SV2C: variants seen among roughly 807,000 people sequenced by gnomAD.
SV2C encodes synaptic vesicle glycoprotein 2C.
A neutral mutation model predicts 79.7 loss-of-function variants in SV2C; 49 were observed. That is an observed-to-expected ratio of 0.61 (90% confidence interval 0.49 to 0.78). The LOEUF is 0.78. SV2C is among the 30% of genes least tolerant of loss of function. The pLI is 0.00. For missense variants in SV2C, 833 were observed against 912.9 expected, an observed-to-expected ratio of 0.91 and a Z score of 1.13; for synonymous variants, 334 against 333.2, an observed-to-expected ratio of 1.00 and a Z score of -0.03.
the SV2C span, among the ~76,000 whole-genome samples, chr5:75,949,288 T>C: frequency 6.6e-6 from 1 of 152,174 alleles, no homozygotes. Context: ...CACTGTCAGA[T>C]ACTTCTTTAT....
chr5:75,990,141 T>G, the SV2C span, among the ~76,000 whole-genome samples: 1 of 152,032 alleles, frequency 6.6e-6, no homozygotes, highest in Non-Finnish European at 1.5e-5. Context: ...AAAAGCTCTT[T>G]TATTTAATTT....
At chr5:75,953,866 CT>C in the SV2C span, among the ~76,000 whole-genome samples, 2 of 152,052 alleles carry the variant, frequency 1.3e-5, no homozygotes, top group South Asian at 2.1e-4. Context: ...TTTTGTATCA[CT>C]TCCTACTCCC....
the SV2C span, among the ~76,000 whole-genome samples, chr5:76,051,662 C>T: frequency 1.3e-5 from 2 of 152,118 alleles, no homozygotes; most frequent in East Asian, 3.8e-4. Flanking sequence ...AATGCAAAAA[C>T]TTTGTTAAAA....
the SV2C span, chr5:75,910,651 G>A: frequency 3.0e-6 from 3 of 1,005,586 alleles, no homozygotes; most frequent in African/African-American, 3.2e-5. Flanking sequence ...TGGATGCAGT[G>A]CAGAATGCCA....
At chr5:76,278,984 T>C (rs1747103096) in intron 4 of SV2C, among the ~76,000 whole-genome samples, 1 of 152,028 alleles carries the variant, frequency 6.6e-6, no homozygotes, top group Non-Finnish European at 1.5e-5. Context: ...GCCATGGAGA[T>C]AGGGAGAAGT....
chr5:76,233,712 C>G (rs1227251032), intron 4 of SV2C, among the ~76,000 whole-genome samples: 1 of 151,220 alleles, frequency 6.6e-6, no homozygotes, highest in Middle Eastern at 3.2e-3. Flanking sequence ...TGGTTTTTGT[C>G]TTTGGCTCTG....
chr5:76,254,309 C>T (rs2112445149), intron 4 of SV2C, among the ~76,000 whole-genome samples: 1 of 151,886 alleles, frequency 6.6e-6, no homozygotes, highest in African/African-American at 2.4e-5. Context: ...AATGCATCTA[C>T]ACATCCAGCC....
the SV2C span, among the ~76,000 whole-genome samples, chr5:75,987,634 G>T: frequency 6.6e-6 from 1 of 151,982 alleles, no homozygotes; most frequent in Admixed American, 6.6e-5. Flanking sequence ...AGGCATTTCA[G>T]ATCAAAAGTG....
chr5:75,913,077 G>T, the SV2C span, among the ~76,000 whole-genome samples: 1 of 152,202 alleles, frequency 6.6e-6, no homozygotes. Context: ...GGTAAACCAT[G>T]CCACAGGAAT....
At chr5:76,032,618 A>G in the SV2C span, among the ~76,000 whole-genome samples, 196 of 152,310 alleles carry the variant, frequency 1.3e-3, no homozygotes, top group South Asian at 0.025. Flanking sequence ...TGGTGTATAT[A>G]TGCCACATTT....
chr5:75,891,264 G>A, the SV2C span, among the ~76,000 whole-genome samples: 1 of 152,114 alleles, frequency 6.6e-6, no homozygotes, highest in African/African-American at 2.4e-5. Flanking sequence ...GAGATAACCA[G>A]GAACTGGGTC....
At chr5:76,286,314 G>C (rs1159543140) in intron 6 of SV2C, among the ~76,000 whole-genome samples, 1 of 152,092 alleles carries the variant, frequency 6.6e-6, no homozygotes, top group Non-Finnish European at 1.5e-5. Flanking sequence ...TACCAGAAGA[G>C]AGCCAGGCTG....
intron 2 of SV2C, among the ~76,000 whole-genome samples, chr5:76,157,694 C>T (rs890001434): frequency 6.6e-6 from 1 of 151,376 alleles, no homozygotes; most frequent in Non-Finnish European, 1.5e-5. Flanking sequence ...CTAGTGGTAA[C>T]AAATTCACAT....
exon 13 of SV2C, chr5:76,353,359 C>T (rs1749679613): frequency 4.6e-6 from 1 of 217,506 alleles, no homozygotes; most frequent in South Asian, 4.9e-5. Context: ...TCTCTTTTGC[C>T]TTGTAGAAAT....
At chr5:76,226,026 T>C (rs184581792) in intron 4 of SV2C, among the ~76,000 whole-genome samples, 79 of 152,322 alleles carry the variant, frequency 5.2e-4, no homozygotes, top group Middle Eastern at 3.4e-3. Flanking sequence ...CTTCTCATCT[T>C]GCCTGTTTCA....
At chr5:76,203,864 A>G (rs1744528087) in intron 3 of SV2C, among the ~76,000 whole-genome samples, 1 of 152,216 alleles carries the variant, frequency 6.6e-6, no homozygotes, top group Non-Finnish European at 1.5e-5. Context: ...TACCCAAATC[A>G]TCCATCCTTT....
the SV2C span, chr5:76,075,753 C>G: frequency 3.1e-6 from 1 of 322,314 alleles, no homozygotes. Context: ...TTTTATGGAT[C>G]TTAAAAGACA....
In SV2C at chr5:76,149,935, C is replaced by T. The variant is rs546372639; in HGVS notation, c.580+17605C>T. 2.6e-5 allele frequency among the ~76,000 whole-genome samples: 4 copies of T among 152,316 alleles called. No homozygotes were observed. In the South Asian group the frequency reaches 6.2e-4, roughly 24 times the overall value. On this transcript the variant is annotated intron_variant, in intron 2 of 12. Coordinates refer to ENST00000502798, the MANE Select transcript of SV2C (RefSeq NM_014979.4). ...AATGTGACTCCTTCCATTTTCTTCC[C>T]TCCTAGCTGCATGAAATTAAATGGT...
intron 2 of SV2C, among the ~76,000 whole-genome samples, chr5:76,176,413 C>G (rs1743531998): frequency 1.3e-5 from 2 of 152,248 alleles, no homozygotes; most frequent in South Asian, 4.1e-4. Context: ...TGTGCTCTTT[C>G]CTCTAAGAGC....
Sources: gnomAD v4.1 joint callset for allele counts (sites outside exome capture counted in the v4.1 genomes callset) on GRCh38, gnomAD v4.1.1 for gene constraint, MANE v1.5 for transcripts, NCBI Gene and HGNC (gene_info 2026-07-23, HGNC 2026-07-21) for gene names.